KLRG2: variants seen among roughly 807,000 people sequenced by gnomAD.
KLRG2 encodes killer cell lectin-like receptor subfamily G member 2.
In KLRG2, 39 loss-of-function variants were observed where a neutral mutation model predicts 35.4. The ratio of observed to expected loss-of-function variants is 1.10; its 90% CI spans 0.85 to 1.44. The LOEUF is 1.44. KLRG2 is among the 40% of genes most tolerant of loss of function. The pLI is 0.00. For synonymous variants in KLRG2, 283 were observed against 265.8 expected, an observed-to-expected ratio of 1.06 and a Z score of -0.63; for missense variants, 632 against 570.9, an observed-to-expected ratio of 1.11 and a Z score of -1.09.
intron 1 of KLRG2, among the ~76,000 whole-genome samples, 192 bp from the exon 2 acceptor site, chr7:139,480,439 CTTTTTTTTTTTT>C (rs892455272): frequency 9.4e-5 from 8 of 85,202 alleles, no homozygotes; most frequent in East Asian, 4.8e-4. Context: ...GCCAGATATT[CTTTTTTTTTTTT>C]TTTTTTTTTT....
the KLRG2 span, among the ~76,000 whole-genome samples, chr7:139,433,867 C>T: frequency 6.6e-6 from 1 of 152,080 alleles, no homozygotes; most frequent in African/African-American, 2.4e-5. Context: ...GAACTCCTGA[C>T]CTCAAGTGAT....
the KLRG2 span, among the ~76,000 whole-genome samples, chr7:139,443,841 G>C: frequency 3.5e-4 from 53 of 152,222 alleles, no homozygotes; most frequent in African/African-American, 1.2e-3. Flanking sequence ...GAATTGACTC[G>C]TACTATCACT....
At chr7:139,437,431 A>T in the KLRG2 span, among the ~76,000 whole-genome samples, 1 of 72,976 alleles carries the variant, frequency 1.4e-5, no homozygotes, top group African/African-American at 1.5e-4. Flanking sequence ...TCTCCAAAAA[A>T]AAAAAAAAAA....
chr7:139,480,782 C>T (rs1796946062), intron 1 of KLRG2, among the ~76,000 whole-genome samples: 2 of 133,276 alleles, frequency 1.5e-5, no homozygotes, highest in Non-Finnish European at 1.6e-5. Flanking sequence ...GTCTTTCTAT[C>T]GCCCAGGCTG....
intron 3 of KLRG2, among the ~76,000 whole-genome samples, chr7:139,468,262 G>A (rs1796700286): frequency 6.6e-6 from 1 of 151,910 alleles, no homozygotes; most frequent in Non-Finnish European, 1.5e-5. Context: ...GGTCCCCTGG[G>A]CCCCCTTATT....
rs747462633 is a variant in KLRG2, at chr7:139,480,187, G to C, written c.818C>G (p.Ala273Gly). The C allele has an allele frequency of 6.2e-7, 1 of 1,613,826 alleles. No homozygotes were observed. The highest frequency in any genetic ancestry group is 8.5e-7 in the Non-Finnish European group (1 of 1,179,816). The change falls in exon 2 of 5, where the codon GCA (alanine) becomes GGA (glycine). Residue 273 changes from alanine (A) to glycine (G), a missense_variant. Coordinates refer to ENST00000340940, the MANE Select transcript of KLRG2 (RefSeq NM_198508.4). ...GACCACAATGACAACCCCAGAGACT[G>C]CCAGGAGCACAGCCATGAACGCCAG... ...WALAFMAVLLAVSGVVIVVLA... is the reference protein window; with the variant it reads ...WALAFMAVLLGVSGVVIVVLA...
At chr7:139,471,827 CTCAT>C (rs1200666178) in intron 3 of KLRG2, among the ~76,000 whole-genome samples, 1 of 152,236 alleles carries the variant, frequency 6.6e-6, no homozygotes, top group Non-Finnish European at 1.5e-5. Context: ...TCCACTGTCA[CTCAT>C]TGTCTGTCCC....
chr7:139,433,129 G>A, the KLRG2 span, among the ~76,000 whole-genome samples: 1 of 152,114 alleles, frequency 6.6e-6, no homozygotes, highest in South Asian at 2.1e-4. Flanking sequence ...TTCTTGGCTT[G>A]CCAACTTGGG....
chr7:139,480,538 C>T lies in KLRG2; in HGVS notation c.758-291G>A, dbSNP rs1322903254. Among the ~76,000 whole-genome samples, 27 of 146,798 alleles carry T rather than the reference C, an allele frequency of 1.8e-4. No homozygotes were observed. In the Middle Eastern group the frequency reaches 0.011, roughly 59 times the overall value. Reference sequence around the variant, plus strand: ...TCGGCTCACTGCAACCTCTGCCTCCCGGGTTCAAGCAATTCTCCTGCCTCA... The same window carrying T: ...TCGGCTCACTGCAACCTCTGCCTCCTGGGTTCAAGCAATTCTCCTGCCTCA... On this transcript the variant is annotated intron_variant, in intron 1 of 4. Coordinates refer to ENST00000340940, the MANE Select transcript of KLRG2 (RefSeq NM_198508.4).
the KLRG2 span, among the ~76,000 whole-genome samples, chr7:139,442,932 G>A: frequency 6.6e-6 from 1 of 151,924 alleles, no homozygotes; most frequent in Non-Finnish European, 1.5e-5. Context: ...GAGAAAAAAC[G>A]ATACATTGGG....
At chr7:139,474,487 G>A (rs112514650) in intron 3 of KLRG2, among the ~76,000 whole-genome samples, 2 of 152,264 alleles carry the variant, frequency 1.3e-5, no homozygotes, top group South Asian at 2.1e-4. Context: ...GGCTGGGCAT[G>A]GTGGCTAACA....
chr7:139,463,589 C>T (rs1569412216), intron 3 of KLRG2, among the ~76,000 whole-genome samples: 1 of 152,202 alleles, frequency 6.6e-6, no homozygotes, highest in African/African-American at 2.4e-5. Flanking sequence ...GGCCACTGGG[C>T]CAAGGAATGC....
chr7:139,433,897 A>G, the KLRG2 span, among the ~76,000 whole-genome samples: 2 of 152,034 alleles, frequency 1.3e-5, no homozygotes, highest in African/African-American at 4.8e-5. Flanking sequence ...CGGCCTCCCA[A>G]AGTGCTGGGA....
rs199931209 is a variant in KLRG2, at chr7:139,479,723, G to A, written c.909C>T (p.His303=). 4.5e-5 allele frequency: 72 copies of A among 1,613,952 alleles called. No individual in the cohort carries two copies. Among genetic ancestry groups the A allele is most frequent in the Non-Finnish European group, 5.9e-5 (70 of 1,180,018 alleles). ...GCGCTTCTGCAGAGAAGTAGTAACA[G>A]TGCTCCTCGGACAACACCCAGCCTG... ...CPPGWVLSEE[H]CYYFSAEAQA... is the part of the protein sequence containing the mutation. The change falls in exon 3 of 5, where the codon CAC becomes CAT. Residue 303 remains histidine (H), a synonymous_variant. Coordinates refer to ENST00000340940, the MANE Select transcript of KLRG2 (RefSeq NM_198508.4).
the KLRG2 span, among the ~76,000 whole-genome samples, chr7:139,429,123 C>T: frequency 2.6e-5 from 4 of 152,056 alleles, no homozygotes; most frequent in Non-Finnish European, 2.9e-5. Context: ...CTGGCCAACA[C>T]GGTGAAACTC....
chr7:139,433,415 T>C, the KLRG2 span, among the ~76,000 whole-genome samples: 1 of 152,136 alleles, frequency 6.6e-6, no homozygotes, highest in Admixed American at 6.6e-5. Flanking sequence ...AACCTCCACT[T>C]CCCGAGTTCA....
At position 139,483,423 on chromosome 7, in the gene KLRG2, G is replaced by T. The variant is rs778875071; in HGVS notation, c.220C>A (p.Arg74Ser). The change falls in exon 1 of 5, where the codon CGC (arginine) becomes AGC (serine). Residue 74 changes from arginine (R) to serine (S), a missense_variant. Arg to Ser is a moderately radical substitution (Grantham distance 110). Coordinates refer to ENST00000340940, the MANE Select transcript of KLRG2 (RefSeq NM_198508.4). ...GGCGGCACGCGCGGGGACCCGGGGC[G>T]AGGCGAAGGCGGCTTTTTCTTGCTC... ...PSSKKKPPSPRPGSPRVPPLS... is the reference protein window; with the variant it reads ...PSSKKKPPSPSPGSPRVPPLS... The T allele has an allele frequency of 1.3e-6, 2 of 1,558,044 alleles. No individual in the cohort carries two copies. Among genetic ancestry groups the T allele is most frequent in the Non-Finnish European group, 8.6e-7 (1 of 1,163,912 alleles).
the KLRG2 span, among the ~76,000 whole-genome samples, chr7:139,445,206 G>A: frequency 4.0e-5 from 6 of 151,746 alleles, no homozygotes; most frequent in Non-Finnish European, 7.4e-5. Flanking sequence ...TCAGCCTCCC[G>A]AGTAGCTGGA....
intron 3 of KLRG2, among the ~76,000 whole-genome samples, chr7:139,471,404 G>A (rs111709533): frequency 0.022 from 3,356 of 152,164 alleles, 135 homozygotes; most frequent in African/African-American, 0.077. Flanking sequence ...GTTCACGCCT[G>A]TAATCCTAGC....
Sources: gnomAD v4.1 joint callset for allele counts (sites outside exome capture counted in the v4.1 genomes callset) on GRCh38, gnomAD v4.1.1 for gene constraint, MANE v1.5 for transcripts, NCBI Gene and HGNC (gene_info 2026-07-23, HGNC 2026-07-21) for gene names.